Variants in WDFY1 observed in about 807,000 individuals in gnomAD.
WDFY1 encodes WD repeat and FYVE domain-containing protein 1.
A neutral mutation model predicts 56.4 loss-of-function variants in WDFY1; 32 were observed. The observed-to-expected ratio is 0.57, with a 90% CI of 0.43 to 0.76. The LOEUF (loss-of-function observed/expected upper bound fraction) is 0.76. Ranked by LOEUF, WDFY1 falls within the 30% of genes least tolerant of loss-of-function variation. WDFY1 has a pLI of 0.00. For missense variants in WDFY1, 480 were observed against 545.7 expected, an observed-to-expected ratio of 0.88 and a Z score of 1.20; for synonymous variants, 192 against 197.3, an observed-to-expected ratio of 0.97 and a Z score of 0.23.
At position 223,912,318 on chromosome 2, in the gene WDFY1, A is replaced by G. The variant is rs143819118; in HGVS notation, c.214T>C (p.Ser72Pro). 2.3e-5 allele frequency: 37 copies of G among 1,603,352 alleles called. No homozygotes were observed. Among genetic ancestry groups the G allele is most frequent in the Non-Finnish European group, 3.1e-5 (37 of 1,177,298 alleles). Residue 72 changes from serine to proline, a missense_variant, in exon 3 of 12, where the codon TCT (serine) becomes CCT (proline). By Grantham distance (74) the Ser-to-Pro change is moderately conservative. Coordinates refer to ENST00000233055, the MANE Select transcript of WDFY1 (RefSeq NM_020830.5). ...CTGTCATGATGGTAAGCCATAGCAG[A>G]GCAAGGAGCTGCCAGAAAGACAAAG... ...SIYHTMASPC[S>P]AMAYHHDSRR...
intron 3 of WDFY1, among the ~76,000 whole-genome samples, chr2:223,910,341 T>C (rs748276451): frequency 6.6e-5 from 10 of 151,982 alleles, no homozygotes; most frequent in Admixed American, 3.9e-4. Context: ...TTTACACCTA[T>C]CTTTACAGAT....
At chr2:223,922,131 G>A (rs1053993845) in intron 1 of WDFY1, among the ~76,000 whole-genome samples, 3 of 152,128 alleles carry the variant, frequency 2.0e-5, no homozygotes, top group East Asian at 1.9e-4. Context: ...CCCTGAATAC[G>A]TCCAGCTCAG....
At position 223,882,067 on chromosome 2, in the gene WDFY1, G is replaced by A. The variant is rs1425639256; in HGVS notation, c.939C>T (p.His313=). ...DTKTLGLRQH[H]CRKCGQAVCG... is the part of the protein sequence containing the mutation. ...AGACAGCCTGCCCGCATTTCCTGCA[G>A]TGATGCTTCACAGGTGACCGGGAGG... is the stretch of plus-strand genomic sequence containing the variant. The change falls in exon 10 of 12, where the codon CAC becomes CAT. Residue 313 remains histidine, a synonymous_variant. Transcript: ENST00000233055. 6.2e-7 allele frequency: 1 copy of A among 1,613,336 alleles called. No homozygotes were observed. Among genetic ancestry groups the A allele is most frequent in the Admixed American group, 1.7e-5 (1 of 59,990 alleles).
At chr2:223,886,450 C>G (rs143819725) in intron 8 of WDFY1, among the ~76,000 whole-genome samples, 1 of 150,348 alleles carries the variant, frequency 6.7e-6, no homozygotes, top group African/African-American at 2.5e-5. Flanking sequence ...TTAGGCCGGG[C>G]GCAGTGGCTC....
chr2:223,917,106 G>C (rs1192689770), intron 2 of WDFY1, among the ~76,000 whole-genome samples: 1 of 151,980 alleles, frequency 6.6e-6, no homozygotes, highest in Non-Finnish European at 1.5e-5. Context: ...GAGCCACCAA[G>C]CCCGGCCTCC....
chr2:223,910,657 A>T (rs1173772664), intron 3 of WDFY1, among the ~76,000 whole-genome samples: 1 of 152,168 alleles, frequency 6.6e-6, no homozygotes, highest in Non-Finnish European at 1.5e-5. Flanking sequence ...GATCCTCAAC[A>T]TCACTAGTCA....
chr2:223,943,455 G>C (rs1689348933), intron 1 of WDFY1, among the ~76,000 whole-genome samples: 1 of 152,152 alleles, frequency 6.6e-6, no homozygotes, highest in Non-Finnish European at 1.5e-5. Context: ...ACAGGAGTTG[G>C]GGGCTTCAGG....
intron 1 of WDFY1, among the ~76,000 whole-genome samples, chr2:223,925,676 T>C (rs1166272878): frequency 6.6e-6 from 1 of 152,210 alleles, no homozygotes. Flanking sequence ...TAATAGAACT[T>C]CTTTCAAAAG....
At chr2:223,932,819 T>A (rs984590330) in intron 1 of WDFY1, among the ~76,000 whole-genome samples, 1 of 151,220 alleles carries the variant, frequency 6.6e-6, no homozygotes, top group Non-Finnish European at 1.5e-5. Context: ...CTGTCACCTA[T>A]AGCAAAGGAT....
chr2:223,911,899 C>G (rs998994368), intron 3 of WDFY1, among the ~76,000 whole-genome samples: 1 of 151,342 alleles, frequency 6.6e-6, no homozygotes, highest in Non-Finnish European at 1.5e-5. Context: ...AGCTGTCAGC[C>G]TTGACCTCCT....
chr2:223,940,806 C>T (rs1387500802), intron 1 of WDFY1, among the ~76,000 whole-genome samples: 5 of 151,968 alleles, frequency 3.3e-5, no homozygotes, highest in African/African-American at 1.2e-4. Flanking sequence ...CCATGCCCAG[C>T]TAATTTTTGT....
At position 223,945,234 on chromosome 2, in the gene WDFY1, C is replaced by G. The variant is rs1689392108; in HGVS notation, c.51G>C (p.Leu17=). The G allele has an allele frequency of 2.5e-6, 4 of 1,594,262 alleles. No homozygotes were observed. The highest frequency in any genetic ancestry group is 3.4e-6 in the Non-Finnish European group (4 of 1,173,924). ...CGTCCTGGTGCCCCTCGATCTTGCT[C>G]AGCAGCACCGGGCGGCTGCTCTGCG... ...SRPQSSRPVL[L]SKIEGHQDAV... The change falls in exon 1 of 12, where the codon CTG becomes CTC. Residue 17 remains leucine (L), a synonymous_variant. Transcript: ENST00000233055.
intron 6 of WDFY1, among the ~76,000 whole-genome samples, chr2:223,897,137 T>C (rs1300278968): frequency 6.6e-6 from 1 of 152,078 alleles, no homozygotes; most frequent in African/African-American, 2.4e-5. Flanking sequence ...GTACATTTAT[T>C]ATAACTTGTT....
chr2:223,894,468 G>A, intron 7 of WDFY1, 129 bp from the exon 8 acceptor site: 4 of 811,990 alleles, frequency 4.9e-6, no homozygotes, highest in South Asian at 3.4e-5. Flanking sequence ...TATTTAGCAT[G>A]GTAAAATGAA....
chr2:223,944,102 A>G (rs1279573988), intron 1 of WDFY1, among the ~76,000 whole-genome samples: 2 of 152,248 alleles, frequency 1.3e-5, no homozygotes, highest in Non-Finnish European at 2.9e-5. Context: ...ACAAAAACCT[A>G]TTTAGTAAAT....
chr2:223,925,606 TCTTC>T (rs1693966805), intron 1 of WDFY1, among the ~76,000 whole-genome samples: 1 of 152,208 alleles, frequency 6.6e-6, no homozygotes, highest in African/African-American at 2.4e-5. Context: ...ATCGATTGAC[TCTTC>T]CTTTCCCAAA....
chr2:223,894,139 G>A, intron 8 of WDFY1, 95 bp downstream of exon 8: 2 of 1,220,880 alleles, frequency 1.6e-6, no homozygotes, highest in South Asian at 2.6e-5. Context: ...TCTGCACCTG[G>A]ACCAGCATTT....
chr2:223,923,042 G>A (rs193198135), intron 1 of WDFY1, among the ~76,000 whole-genome samples: 1 of 152,262 alleles, frequency 6.6e-6, no homozygotes, highest in East Asian at 1.9e-4. Context: ...AAAACTGTCG[G>A]TCACATCCCA....
At chr2:223,878,913 G>C (rs1403392884) in intron 11 of WDFY1, among the ~76,000 whole-genome samples, 183 bp from the exon 12 acceptor site, 1 of 152,256 alleles carries the variant, frequency 6.6e-6, no homozygotes, top group Non-Finnish European at 1.5e-5. Flanking sequence ...GCTGGGCACG[G>C]TGGCTCACGC....
Sources: gnomAD v4.1 joint callset for allele counts (sites outside exome capture counted in the v4.1 genomes callset) on GRCh38, gnomAD v4.1.1 for gene constraint, MANE v1.5 for transcripts, NCBI Gene and HGNC (gene_info 2026-07-23, HGNC 2026-07-21) for gene names.